Variants in ESRRG observed in about 807,000 individuals in gnomAD.
The protein encoded by ESRRG is estrogen related receptor gamma.
A neutral mutation model predicts 44.0 loss-of-function variants in ESRRG; 13 were observed. The ratio of observed to expected loss-of-function variants is 0.30; its 90% CI spans 0.19 to 0.47. The LOEUF (loss-of-function observed/expected upper bound fraction) is 0.47. ESRRG is among the 20% of genes least tolerant of loss of function. The probability of loss-of-function intolerance (pLI) is 1.00; values close to 1 mark genes in which losing one functional copy is unlikely to be tolerated. For missense variants in ESRRG, 395 were observed against 580.6 expected, an observed-to-expected ratio of 0.68 and a Z score of 3.29; for synonymous variants, 215 against 214.6, an observed-to-expected ratio of 1.00 and a Z score of -0.02.
At chr1:216,982,561 A>T (rs541475428) in intron 1 of ESRRG, among the ~76,000 whole-genome samples, 1 of 152,330 alleles carries the variant, frequency 6.6e-6, no homozygotes, top group East Asian at 1.9e-4. Flanking sequence ...CTGCAGAGCT[A>T]TGGTTTTATA....
intron 1 of ESRRG, among the ~76,000 whole-genome samples, chr1:217,107,500 G>A (rs1237882783): frequency 6.6e-6 from 1 of 152,194 alleles, no homozygotes; most frequent in Non-Finnish European, 1.5e-5. Context: ...CCCCCCTGGG[G>A]TTAGTTTGTG....
chr1:216,813,815 G>A (rs1179592578), intron 2 of ESRRG, among the ~76,000 whole-genome samples: 6 of 152,080 alleles, frequency 3.9e-5, no homozygotes, highest in Non-Finnish European at 8.8e-5. Flanking sequence ...ATGTCGGGGG[G>A]ACATCACTCA....
intron 1 of ESRRG, among the ~76,000 whole-genome samples, chr1:216,690,236 A>T (rs2078811472): frequency 6.6e-6 from 1 of 151,884 alleles, no homozygotes; most frequent in South Asian, 2.1e-4. Flanking sequence ...CAAATAAACA[A>T]ATTATGAAAT....
intron 1 of ESRRG, among the ~76,000 whole-genome samples, chr1:216,705,534 T>C (rs2082281368): frequency 6.6e-6 from 1 of 152,198 alleles, no homozygotes; most frequent in African/African-American, 2.4e-5. Context: ...CTACCTGGAA[T>C]TGCCCATATT....
chr1:216,530,476 G>T (rs2049041385), intron 5 of ESRRG, among the ~76,000 whole-genome samples: 1 of 152,050 alleles, frequency 6.6e-6, no homozygotes, highest in African/African-American at 2.4e-5. Flanking sequence ...CATTAATGAA[G>T]GTAGAGTTGC....
At chr1:216,633,392 T>C (rs2064650413) in intron 3 of ESRRG, among the ~76,000 whole-genome samples, 2 of 152,186 alleles carry the variant, frequency 1.3e-5, no homozygotes, top group Non-Finnish European at 2.9e-5. Context: ...GAACTCCTAT[T>C]GCCTAGATTC....
At position 216,980,114 on chromosome 1, in the gene ESRRG, C is replaced by G. The variant is rs571494854; in HGVS notation, c.-105-40441G>C. The stretch of plus-strand genomic sequence containing the variant: ...CTTTTATTTCATGATGTCCATTTAA[C>G]AACCCCCTCTATGGTTACTAAATCC... On this transcript the variant is annotated intron_variant, in intron 1 of 7. Transcript: ENST00000359162. Among the ~76,000 whole-genome samples, 13 of 152,312 alleles carry G rather than the reference C, an allele frequency of 8.5e-5. No homozygotes were observed. The South Asian group carries it at 2.7e-3, about 32-fold the overall frequency.
intron 1 of ESRRG, among the ~76,000 whole-genome samples, chr1:217,081,686 A>G (rs1423999205): frequency 6.6e-6 from 1 of 151,884 alleles, no homozygotes; most frequent in Admixed American, 6.6e-5. Context: ...TCAAATAATC[A>G]TCAAGCCTTA....
rs2086752803 is a variant in ESRRG, at chr1:216,723,240, C to G, written c.56+4G>C. 1.1e-5 allele frequency: 18 copies of G among 1,612,864 alleles called. No homozygotes were observed. The highest frequency in any genetic ancestry group is 1.4e-5 in the Non-Finnish European group (16 of 1,179,130). On this transcript the variant is annotated splice_donor_region_variant and intron_variant, in intron 1 of 6. Coordinates refer to ENST00000408911, the MANE Select transcript of ESRRG (RefSeq NM_001438.4). ...TTTAAAAAGGAAAGAAAAAAGGTAC[C>G]TACTCTTCCTCGTAGTGCAGGGAAA... is the stretch of plus-strand genomic sequence containing the variant.
At chr1:216,646,879 C>T (rs190778903) in intron 3 of ESRRG, among the ~76,000 whole-genome samples, 5 of 152,150 alleles carry the variant, frequency 3.3e-5, no homozygotes, top group East Asian at 1.9e-4. Flanking sequence ...ATATAATGTG[C>T]GTGAATGTGA....
intron 3 of ESRRG, among the ~76,000 whole-genome samples, chr1:216,621,349 C>G (rs1337214648): frequency 6.6e-6 from 1 of 152,098 alleles, no homozygotes; most frequent in East Asian, 1.9e-4. Flanking sequence ...CAAAGATGTG[C>G]AATATCAAGA....
In ESRRG at chr1:216,977,373, T is replaced by TAC. The variant is rs878951300; in HGVS notation, c.-105-37701_-105-37700insGT. Among the ~76,000 whole-genome samples, 858 of 145,106 alleles carry TAC rather than the reference T, an allele frequency of 5.9e-3. 26 individuals are homozygous for TAC. Among genetic ancestry groups the TAC allele is most frequent in the Admixed American group, 0.053 (778 of 14,750 alleles). On this transcript the variant is annotated intron_variant, in intron 1 of 7. Transcript: ENST00000359162. ...ACACACACACACACACACACACACA[T>TAC]ATACATATAGATAGATGCCTAAGAT...
At chr1:216,637,294 A>C (rs1365279632) in intron 3 of ESRRG, among the ~76,000 whole-genome samples, 1 of 152,232 alleles carries the variant, frequency 6.6e-6, no homozygotes, top group Non-Finnish European at 1.5e-5. Flanking sequence ...CTATACAGAC[A>C]TTTCAGCAAT....
At position 216,515,336 on chromosome 1, in the gene ESRRG, G is replaced by T. The variant is rs137935178; in HGVS notation, c.1132+3816C>A. On this transcript the variant is annotated intron_variant, in intron 6 of 6. Coordinates refer to ENST00000408911, the MANE Select transcript of ESRRG (RefSeq NM_001438.4). ...AATAGATGGCATTACTATTTCATCG[G>T]GGGGTTATTAGGAAAACCATATCTA... Among the ~76,000 whole-genome samples, 895 of 151,898 alleles carry T rather than the reference G, an allele frequency of 5.9e-3. 8 individuals are homozygous for T. Among genetic ancestry groups the T allele is most frequent in the African/African-American group, 0.02 (822 of 41,470 alleles).
At chr1:216,621,344 A>G (rs1188810343) in intron 3 of ESRRG, among the ~76,000 whole-genome samples, 1 of 152,212 alleles carries the variant, frequency 6.6e-6, no homozygotes, top group Non-Finnish European at 1.5e-5. Flanking sequence ...TTTGACAAAG[A>G]TGTGCAATAT....
chr1:216,601,630 G>GT (rs1558748119), intron 3 of ESRRG, among the ~76,000 whole-genome samples: 1 of 152,142 alleles, frequency 6.6e-6, no homozygotes, highest in South Asian at 2.1e-4. Flanking sequence ...TTTCAGTGGC[G>GT]TATTTCCCAG....
intron 2 of ESRRG, among the ~76,000 whole-genome samples, chr1:216,675,451 G>A (rs930553683): frequency 2.6e-5 from 4 of 152,048 alleles, no homozygotes; most frequent in Non-Finnish European, 4.4e-5. Flanking sequence ...ATATTTAAAA[G>A]GATTAGCACT....
intron 2 of ESRRG, among the ~76,000 whole-genome samples, chr1:216,875,764 G>C (rs2149262103): frequency 6.6e-6 from 1 of 152,092 alleles, no homozygotes; most frequent in East Asian, 1.9e-4. Flanking sequence ...ATATTCTGTT[G>C]GGTGTATACC....
intron 1 of ESRRG, among the ~76,000 whole-genome samples, chr1:216,682,718 G>GTGTGTGTGTGTGTGTA (rs2077234412): frequency 6.6e-6 from 1 of 151,550 alleles, no homozygotes; most frequent in Admixed American, 6.6e-5. Flanking sequence ...TAGTGTGTGT[G>GTGTGTGTGTGTGTGTA]TGTGTGTGTG....
Sources: gnomAD v4.1 joint callset for allele counts (sites outside exome capture counted in the v4.1 genomes callset) on GRCh38, gnomAD v4.1.1 for gene constraint, MANE v1.5 for transcripts, NCBI Gene and HGNC (gene_info 2026-07-23, HGNC 2026-07-21) for gene names.